Variants in CCDC3 observed in about 807,000 individuals in gnomAD.
CCDC3 encodes the protein coiled-coil domain containing 3.
In CCDC3, 24 loss-of-function variants were observed where a neutral mutation model predicts 21.4. That is an observed-to-expected ratio of 1.12 (90% CI 0.81 to 1.58). The LOEUF is 1.58. CCDC3 is among the 40% of genes most tolerant of loss of function. CCDC3 has a pLI of 0.00. For missense variants in CCDC3, 425 were observed against 360.9 expected, an observed-to-expected ratio of 1.18 and a Z score of -1.44; for synonymous variants, 186 against 166.0, an observed-to-expected ratio of 1.12 and a Z score of -0.93.
exon 1 of CCDC3, chr10:13,099,525 A>G (rs1240928326): frequency 1.3e-5 from 2 of 151,168 alleles, no homozygotes; most frequent in Non-Finnish European, 2.9e-5. Context: ...CTGCTGTCTA[A>G]TCCGGGGGCA....
At chr10:12,913,743 G>C (rs1034525327) in intron 2 of CCDC3, among the ~76,000 whole-genome samples, 5 of 152,200 alleles carry the variant, frequency 3.3e-5, no homozygotes, top group African/African-American at 1.2e-4. Flanking sequence ...TTATTGTGTT[G>C]AGACACATTC....
chr10:12,959,303 G>A (rs1040912275), intron 2 of CCDC3, among the ~76,000 whole-genome samples: 1 of 152,056 alleles, frequency 6.6e-6, no homozygotes, highest in Non-Finnish European at 1.5e-5. Context: ...GACTAGCTGG[G>A]ATTATAGGTG....
chr10:12,967,290 T>C (rs1835275641), intron 2 of CCDC3, among the ~76,000 whole-genome samples: 1 of 152,152 alleles, frequency 6.6e-6, no homozygotes, highest in African/African-American at 2.4e-5. Context: ...AAACAAATAA[T>C]ATATCATATT....
intron 3 of CCDC3, among the ~76,000 whole-genome samples, chr10:13,074,393 T>C (rs968599947): frequency 2.3e-5 from 3 of 129,232 alleles, no homozygotes; most frequent in African/African-American, 8.8e-5. Flanking sequence ...TCCATATTGG[T>C]CAGGCTGGTC....
chr10:13,041,504 ATTTTTTTTTTTTTTTTTTTTT>A (rs71477255), intron 5 of CCDC3, among the ~76,000 whole-genome samples: 35 of 62,114 alleles, frequency 5.6e-4, no homozygotes, highest in African/African-American at 2.3e-3. Flanking sequence ...CTGGCAGATA[ATTTTTTTTTTTTTTTTTTTTT>A]TTTTTTTTTT....
chr10:13,091,903 G>C (rs903454811), intron 3 of CCDC3, among the ~76,000 whole-genome samples: 2 of 150,972 alleles, frequency 1.3e-5, no homozygotes, highest in Admixed American at 6.6e-5. Flanking sequence ...TGCAGAATTA[G>C]AAATAATCCT....
At chr10:12,917,992 A>G (rs1834385141) in intron 2 of CCDC3, among the ~76,000 whole-genome samples, 1 of 152,220 alleles carries the variant, frequency 6.6e-6, no homozygotes, top group South Asian at 2.1e-4. Flanking sequence ...TGAAGGTTTA[A>G]CTTTTCAAAT....
intron 2 of CCDC3, among the ~76,000 whole-genome samples, chr10:12,947,103 T>G (rs1240301037): frequency 6.6e-6 from 1 of 152,182 alleles, no homozygotes; most frequent in African/African-American, 2.4e-5. Flanking sequence ...CTGATGTAGT[T>G]TCAAAGTAAT....
chr10:12,901,324 A>G (rs1834088679), intron 2 of CCDC3, among the ~76,000 whole-genome samples: 1 of 151,854 alleles, frequency 6.6e-6, no homozygotes, highest in Non-Finnish European at 1.5e-5. Flanking sequence ...GCTGGAGTGC[A>G]GTGGCGTGAT....
chr10:12,965,181 C>T lies in CCDC3; in HGVS notation c.549+33157G>A, dbSNP rs1321178132. Among the ~76,000 whole-genome samples the T allele has an allele frequency of 2.6e-5, 4 of 152,240 alleles. 1 individual carries two copies. In the South Asian group the frequency reaches 6.2e-4, roughly 24 times the overall value. On this transcript the variant is annotated intron_variant, in intron 2 of 2. Transcript: ENST00000378825. ...TCTCTCTCCTAAATTGCCTACATCCCCCCTCCCTGCTTTCCCCAAAAAGAG... is the reference window on the plus strand; with the variant it reads ...TCTCTCTCCTAAATTGCCTACATCCTCCCTCCCTGCTTTCCCCAAAAAGAG...
intron 2 of CCDC3, among the ~76,000 whole-genome samples, chr10:12,903,231 C>T (rs976773631): frequency 4.6e-5 from 7 of 152,192 alleles, no homozygotes; most frequent in Non-Finnish European, 1.0e-4. Flanking sequence ...ATAAAATAAC[C>T]AAGCCACTGC....
At chr10:13,007,471 G>C (rs1361550695) in intron 5 of CCDC3, among the ~76,000 whole-genome samples, 3 of 152,110 alleles carry the variant, frequency 2.0e-5, no homozygotes, top group Admixed American at 6.5e-5. Context: ...TGCCCACTTT[G>C]GTTCTGCCTG....
At chr10:12,935,927 T>G (rs2131232405) in intron 2 of CCDC3, among the ~76,000 whole-genome samples, 1 of 152,354 alleles carries the variant, frequency 6.6e-6, no homozygotes, top group South Asian at 2.1e-4. Context: ...CTGTCCCTTA[T>G]ATCATTGCTG....
chr10:12,953,030 G>A (rs562278419), intron 2 of CCDC3, among the ~76,000 whole-genome samples: 152 of 152,230 alleles, frequency 1.0e-3, no homozygotes, highest in African/African-American at 3.2e-3. Context: ...GTTGGACCCC[G>A]TATTAGGCCG....
chr10:13,001,330 TCTCGAC>T lies in CCDC3; in HGVS notation c.235_240del (p.Val79_Glu80del), dbSNP rs1835850266. 6.2e-7 allele frequency: 1 copy of T among 1,605,638 alleles called. No homozygotes were observed. Among genetic ancestry groups the T allele is most frequent in the Non-Finnish European group, 8.5e-7 (1 of 1,177,378 alleles). On this transcript the variant is annotated inframe_deletion, in exon 1 of 3. Transcript: ENST00000378825. ...CTGCCCCACGCCTGGTCGCACAGCA[TCTCGAC>T]CTCGGCCGAGTAGAAGAGGCCCCCC...
upstream of CCDC3, among the ~76,000 whole-genome samples, chr10:13,003,191 A>C (rs1835879899): frequency 1.3e-5 from 2 of 152,232 alleles, no homozygotes; most frequent in African/African-American, 2.4e-5. Flanking sequence ...CTCACAGCAC[A>C]CACTGCCAAG....
chr10:12,918,105 G>A (rs889295566), intron 2 of CCDC3, among the ~76,000 whole-genome samples: 3 of 151,990 alleles, frequency 2.0e-5, no homozygotes, highest in Admixed American at 6.6e-5. Context: ...TATTAAATAC[G>A]GCTCCCTTCC....
intron 2 of CCDC3, among the ~76,000 whole-genome samples, chr10:12,936,808 G>A (rs1834746125): frequency 6.6e-6 from 1 of 152,224 alleles, no homozygotes; most frequent in Non-Finnish European, 1.5e-5. Flanking sequence ...AGCTACTCAA[G>A]AGGCTGAGGT....
chr10:12,957,213 A>G (rs1466445537), intron 2 of CCDC3, among the ~76,000 whole-genome samples: 1 of 152,090 alleles, frequency 6.6e-6, no homozygotes, highest in Non-Finnish European at 1.5e-5. Context: ...AACTTTGTCA[A>G]TTTCCACTTC....
Sources: gnomAD v4.1 joint callset for allele counts (sites outside exome capture counted in the v4.1 genomes callset) on GRCh38, gnomAD v4.1.1 for gene constraint, MANE v1.5 for transcripts, NCBI Gene and HGNC (gene_info 2026-07-23, HGNC 2026-07-21) for gene names.